The following CEP85 variants were observed in gnomAD, a reference collection of about 807,000 sequenced individuals.
The protein encoded by CEP85 is centrosomal protein 85.
Under a neutral mutation model 93.7 loss-of-function variants are expected in CEP85, and 58 were observed. The observed-to-expected ratio is 0.62, with a 90% CI of 0.50 to 0.77. The LOEUF is 0.77. Ranked by LOEUF, CEP85 falls within the 30% of genes least tolerant of loss-of-function variation. The probability of loss-of-function intolerance (pLI) is 0.00; values close to 1 mark genes in which losing one functional copy is unlikely to be tolerated. For synonymous variants in CEP85, 314 were observed against 338.6 expected (o/e 0.93, Z 0.80); for missense variants, 868 against 922.0 (o/e 0.94, Z 0.76).
intron 7 of CEP85, 71 bp from the exon 8 acceptor site, chr1:26,268,412 C>G: frequency 1.3e-6 from 2 of 1,573,412 alleles, no homozygotes; most frequent in Non-Finnish European, 1.7e-6. Context: ...CAGCTGAGAT[C>G]ACAGCACTGC....
Position 26,277,913 on chromosome 1 carries a change from T to C in CEP85, c.*620T>C, listed in dbSNP as rs2090076835. 6.5e-6 allele frequency: 1 copy of C among 152,778 alleles called. No homozygotes were observed. Among genetic ancestry groups the C allele is most frequent in the South Asian group, 2.1e-4 (1 of 4,842 alleles). 9.5% of individuals were successfully genotyped at this position (152,778 alleles called of 1,614,324 possible). On this transcript the variant is annotated 3_prime_UTR_variant, in exon 14 of 14. Coordinates refer to ENST00000451429, the MANE Select transcript of CEP85 (RefSeq NM_001319944.2). ...AGGGATTATAGCCAGGACTCTAATC[T>C]GCCTACCATGCCATTTAACAAGAGA... is the stretch of plus-strand genomic sequence containing the variant.
chr1:26,256,672 C>T (rs2089708027), intron 4 of CEP85, among the ~76,000 whole-genome samples: 1 of 144,536 alleles, frequency 6.9e-6, no homozygotes, highest in African/African-American at 2.6e-5. Flanking sequence ...GTTCTCGGCT[C>T]ACTGCAACCT....
At chr1:26,258,090 T>G in intron 5 of CEP85, 53 bp from the exon 6 acceptor site, 1 of 1,204,456 alleles carries the variant, frequency 8.3e-7, no homozygotes, top group Non-Finnish European at 1.2e-6. Context: ...TAGGGGCTCA[T>G]ATTGTGAGGG....
chr1:26,273,900 C>CAAAATAAA (rs2090013941), intron 11 of CEP85, among the ~76,000 whole-genome samples: 2 of 124,648 alleles, frequency 1.6e-5, no homozygotes, highest in South Asian at 5.5e-4. Flanking sequence ...AACCCCATCT[C>CAAAATAAA]AAAATAAATA....
At position 26,269,470 on chromosome 1, in the gene CEP85, C is replaced by G. The variant is rs1188497347; in HGVS notation, c.1505C>G (p.Ser502Cys). ...GATCCTGTCTCTCAGCTTAAGGATT[C>G]TGAGTTGAAGAGCACAGAGCTGCAG... ...HQKQSQQLKD[S>C]ELKSTELQEK... is the part of the protein sequence containing the mutation. The change falls in exon 9 of 14, where the codon TCT (serine) becomes TGT (cysteine). Residue 502 changes from serine (S) to cysteine (C), a missense_variant. Transcript: ENST00000451429. 1 of 1,613,960 alleles carries G rather than the reference C, an allele frequency of 6.2e-7. No individual in the cohort carries two copies. The highest frequency in any genetic ancestry group is 8.5e-7 in the Non-Finnish European group (1 of 1,179,896).
At chr1:26,274,654 C>G (rs1300197400) in intron 11 of CEP85, among the ~76,000 whole-genome samples, 1 of 152,086 alleles carries the variant, frequency 6.6e-6, no homozygotes, top group African/African-American at 2.4e-5. Flanking sequence ...GGGATGAGGG[C>G]CAGTCATTCA....
At chr1:26,264,474 A>G (rs936602735) in intron 7 of CEP85, among the ~76,000 whole-genome samples, 5 of 152,204 alleles carry the variant, frequency 3.3e-5, no homozygotes, top group South Asian at 4.1e-4. Flanking sequence ...TGGAGGTTGC[A>G]GTGAGCTGAG....
intron 7 of CEP85, chr1:26,263,515 A>T (rs2089845395): frequency 1.3e-5 from 2 of 155,306 alleles, no homozygotes; most frequent in East Asian, 3.8e-4. Flanking sequence ...AAAAGCTACA[A>T]AAAATTTTTA....
At chr1:26,270,992 T>G in intron 9 of CEP85, 22 bp from the exon 10 acceptor site, 5 of 1,506,060 alleles carry the variant, frequency 3.3e-6, no homozygotes, top group Non-Finnish European at 4.6e-6. Flanking sequence ...TCAGAGTTCT[T>G]GAAGAGGCCA....
Position 26,257,732 on chromosome 1 carries a change from T to TA in CEP85, c.1037+4dup, listed in dbSNP as rs1307562943. 7.4e-6 allele frequency: 12 copies of TA among 1,613,982 alleles called. No individual in the cohort carries two copies. In the African/African-American group the frequency reaches 8.0e-5, roughly 11 times the overall value. Reference sequence around the variant, plus strand: ...GGAAAAAGAGCTTCTCATTGACAAGTAAGAGGGCAAGGGGTACCACAGAGC... The same window carrying TA: ...GGAAAAAGAGCTTCTCATTGACAAGTAAAGAGGGCAAGGGGTACCACAGAGC... On this transcript the variant is annotated splice_region_variant and intron_variant, in intron 5 of 13. Transcript: ENST00000451429.
In CEP85 at chr1:26,257,650, C is replaced by T; in HGVS notation, c.957C>T (p.Pro319=). 2 of 1,614,152 alleles carry T rather than the reference C, an allele frequency of 1.2e-6. No individual in the cohort carries two copies. The highest frequency in any genetic ancestry group is 8.5e-7 in the Non-Finnish European group (1 of 1,180,000). ...CTGCTGCTTTTGGTCCTTCACTGCC[C>T]ATCTTAGAGCCAGCACAGTGGATCA... ...HHPAAFGPSL[P]ILEPAQWISI... Residue 319 remains proline, a synonymous_variant, in exon 5 of 14, where the codon CCC becomes CCT. Transcript: ENST00000451429.
intron 11 of CEP85, 85 bp downstream of exon 11, chr1:26,272,156 C>T (rs1416228951): frequency 7.3e-7 from 1 of 1,361,442 alleles, no homozygotes; most frequent in Non-Finnish European, 1.0e-6. Context: ...TGTTCTCTGC[C>T]ATGCAGGTTG....
At chr1:26,246,493 G>A (rs1046707345) in intron 3 of CEP85, among the ~76,000 whole-genome samples, 7 of 152,106 alleles carry the variant, frequency 4.6e-5, no homozygotes, top group African/African-American at 1.7e-4. Flanking sequence ...TAGCGCTTTG[G>A]GAGGCCAAGG....
intron 7 of CEP85, 143 bp downstream of exon 7, chr1:26,259,945 C>T (rs1446535741): frequency 3.1e-6 from 2 of 651,646 alleles, no homozygotes; most frequent in East Asian, 5.8e-5. Context: ...AGAATCGTCA[C>T]AGATCTCCTT....
At chr1:26,257,794 T>G in intron 5 of CEP85, 64 bp downstream of exon 5, 2 of 1,555,336 alleles carry the variant, frequency 1.3e-6, no homozygotes, top group Non-Finnish European at 1.8e-6. Flanking sequence ...AGACACCTAA[T>G]GGAGTCTTCC....
chr1:26,278,086 A>T lies in CEP85; in HGVS notation c.*793A>T, dbSNP rs2090079022. 1 of 152,570 alleles carries T rather than the reference A, an allele frequency of 6.6e-6. No individual in the cohort carries two copies. The highest frequency in any genetic ancestry group is 1.5e-5 in the Non-Finnish European group (1 of 68,058). The allele number at this position is 152,570 out of a possible 1,614,324, so 9.5% of individuals were successfully genotyped here. On this transcript the variant is annotated 3_prime_UTR_variant, in exon 14 of 14. Transcript: ENST00000451429. ...TCTCTGTGGTTCTAGCCTTGGGCAG[A>T]ATTATATCCCAGAGACCACAGAGCA... is the stretch of plus-strand genomic sequence containing the variant.
intron 1 of CEP85, among the ~76,000 whole-genome samples, chr1:26,237,417 T>C (rs1324541449): frequency 1.3e-5 from 2 of 152,204 alleles, no homozygotes; most frequent in East Asian, 1.9e-4. Context: ...TGTGTCTCTA[T>C]GGATTTGCCT....
In CEP85 at chr1:26,277,005, G is replaced by A. The variant is rs2090063190; in HGVS notation, c.2129-131G>A. 36 of 1,015,970 alleles carry A rather than the reference G, an allele frequency of 3.5e-5. No homozygotes were observed. In the South Asian group the frequency reaches 4.8e-4, roughly 14 times the overall value. 62.9% of individuals were successfully genotyped at this position (1,015,970 alleles called of 1,614,324 possible). On this transcript the variant is annotated intron_variant, in intron 13 of 13. Coordinates refer to ENST00000451429, the MANE Select transcript of CEP85 (RefSeq NM_001319944.2). ...ACCTTCAGCAGCAAATTAACCCACT[G>A]TCCCCAGATGCTTTTTTTAAAGTGC... is the stretch of plus-strand genomic sequence containing the variant.
At chr1:26,272,789 C>T (rs980883086) in intron 11 of CEP85, among the ~76,000 whole-genome samples, 4 of 151,912 alleles carry the variant, frequency 2.6e-5, no homozygotes, top group Non-Finnish European at 5.9e-5. Context: ...CCATCACGCC[C>T]GGCTAATTTT....
Sources: allele counts gnomAD v4.1 joint callset (sites outside exome capture counted in the v4.1 genomes callset), GRCh38; gene constraint gnomAD v4.1.1; transcripts MANE v1.5; gene names NCBI Gene and HGNC (gene_info 2026-07-23, HGNC 2026-07-21).